The following RNFT2 variants were observed in gnomAD, a reference collection of about 807,000 sequenced individuals.
RNFT2 encodes the protein ring finger protein, transmembrane 2.
RNFT2 carries 36 observed loss-of-function variants against 53.0 expected under a neutral mutation model. That is an observed-to-expected ratio of 0.68 (90% CI 0.52 to 0.90). The LOEUF is 0.90. Among genes scored for constraint, RNFT2 ranks in the 40% least tolerant of loss-of-function variants. The probability of loss-of-function intolerance (pLI) is 0.00; values close to 1 mark genes in which losing one functional copy is unlikely to be tolerated. For missense variants in RNFT2, 514 were observed against 585.6 expected, an observed-to-expected ratio of 0.88 and a Z score of 1.26; for synonymous variants, 260 against 253.2, an observed-to-expected ratio of 1.03 and a Z score of -0.26.
chr12:116,835,616 G>A (rs1376844001), intron 8 of RNFT2, among the ~76,000 whole-genome samples: 1 of 152,194 alleles, frequency 6.6e-6, no homozygotes, highest in Non-Finnish European at 1.5e-5. Context: ...GTGGCTGACT[G>A]GAGTGCTAGA....
In RNFT2 at chr12:116,778,026, C is replaced by T. The variant is rs376030249; in HGVS notation, c.729-1169C>T. Among the ~76,000 whole-genome samples the T allele has an allele frequency of 8.5e-5, 13 of 152,164 alleles. No individual in the cohort carries two copies. In the East Asian group the frequency reaches 9.6e-4, roughly 11 times the overall value. ...AGTGAGCAAAGAGCTTAGCACAGTT[C>T]CCGGCACATCAGCTTCCCCCGCTCC... On this transcript the variant is annotated intron_variant, in intron 6 of 10. Coordinates refer to ENST00000257575, the MANE Select transcript of RNFT2 (RefSeq NM_001382266.1).
chr12:116,766,793 T>C (rs1318887850), intron 5 of RNFT2, 21 bp from the exon 6 acceptor site: 2 of 1,556,432 alleles, frequency 1.3e-6, no homozygotes, highest in Non-Finnish European at 1.7e-6. Flanking sequence ...TGATATCACA[T>C]ATCTCTTGCT....
intron 7 of RNFT2, among the ~76,000 whole-genome samples, chr12:116,806,382 ATAT>A (rs1230796248): frequency 1.6e-5 from 2 of 126,662 alleles, no homozygotes; most frequent in Admixed American, 7.8e-5. Context: ...AAAAAAAAAA[ATAT>A]ATATATATAT....
chr12:116,776,528 A>C (rs898685534), intron 6 of RNFT2, among the ~76,000 whole-genome samples: 1 of 152,186 alleles, frequency 6.6e-6, no homozygotes, highest in Non-Finnish European at 1.5e-5. Context: ...AATTCCATGG[A>C]GACAGGGCAG....
At chr12:116,787,094 G>A (rs1873967974) in intron 7 of RNFT2, among the ~76,000 whole-genome samples, 1 of 152,176 alleles carries the variant, frequency 6.6e-6, no homozygotes, top group Non-Finnish European at 1.5e-5. Flanking sequence ...CACATTCACA[G>A]CTTCCTGGTA....
At position 116,849,619 on chromosome 12, in the gene RNFT2, C is replaced by T. The variant is rs527998630; in HGVS notation, c.*171C>T. ...GTCTTGTCCTTCTGACCTTCATCTT[C>T]CTCTCTCGTTCTGTGGTATAGTGCG... On this transcript the variant is annotated 3_prime_UTR_variant, in exon 11 of 11. Transcript: ENST00000257575. 7.2e-7 allele frequency: 1 copy of T among 1,393,568 alleles called. No individual in the cohort carries two copies. The highest frequency in any genetic ancestry group is 1.4e-5 in the African/African-American group (1 of 69,314). 86.3% of individuals were successfully genotyped at this position (1,393,568 alleles called of 1,614,324 possible). A position where few individuals can be genotyped will look rare whatever the true frequency, so the allele number is the denominator to read the frequency against.
chr12:116,815,840 C>T (rs1875627093), intron 7 of RNFT2, among the ~76,000 whole-genome samples: 1 of 151,980 alleles, frequency 6.6e-6, no homozygotes, highest in African/African-American at 2.4e-5. Flanking sequence ...ATTGATATGA[C>T]TTCGGCAAAG....
intron 5 of RNFT2, among the ~76,000 whole-genome samples, chr12:116,760,636 G>C (rs549670579): frequency 6.6e-6 from 1 of 152,218 alleles, no homozygotes; most frequent in Admixed American, 6.5e-5. Flanking sequence ...GTGTTCGGGA[G>C]AGGAGGGTCT....
Position 116,749,861 on chromosome 12 carries a change from G to A in RNFT2, c.104G>A (p.Ser35Asn), listed in dbSNP as rs1872089093. The A allele has an allele frequency of 2.5e-6, 4 of 1,582,076 alleles. No homozygotes were observed. Among genetic ancestry groups the A allele is most frequent in the African/African-American group, 1.3e-5 (1 of 74,344 alleles). Residue 35 changes from serine (S) to asparagine (N), a missense_variant, in exon 4 of 11, where the codon AGC becomes AAC. Around this residue, in one of 3 missense-constraint regions of RNFT2, gnomAD observed 237 missense variants for 235.1 expected, o/e 1.01. Transcript: ENST00000257575. The stretch of plus-strand genomic sequence containing the variant: ...CCCAGAAACCGCAGCCAGGCGCTCA[G>A]CTCCGAGGCGAGTGTGGATGAAGGT... ...PPERNRSQALSSEASVDEGGV... is the reference protein window; with the variant it reads ...PPERNRSQALNSEASVDEGGV...
chr12:116,755,630 C>G, intron 5 of RNFT2: 1 of 1,137,148 alleles, frequency 8.8e-7, no homozygotes, highest in Non-Finnish European at 1.3e-6. Flanking sequence ...AAGAATCTTG[C>G]CCTTAACTTG....
At chr12:116,836,145 GC>G in intron 9 of RNFT2, 35 bp from the exon 10 acceptor site, 1 of 1,588,292 alleles carries the variant, frequency 6.3e-7, no homozygotes, top group Non-Finnish European at 8.6e-7. Flanking sequence ...TCCCAAGGGC[GC>G]CCATAGCTGT....
chr12:116,841,838 TA>T, intron 10 of RNFT2, among the ~76,000 whole-genome samples: 1 of 22,136 alleles, frequency 4.5e-5, no homozygotes, highest in Non-Finnish European at 1.0e-4. Context: ...TATATAAATA[TA>T]TATATAAATA....
rs1237664805 is a variant in RNFT2 at position 116,769,752 on chromosome 12, C to T, written c.728+2838C>T. ...AAACATTTTAAAATAAATGTAACGG[C>T]CGGGCATGGTGGCTCATGCCTGTAA... On this transcript the variant is annotated intron_variant, in intron 6 of 10. Coordinates refer to ENST00000257575, the MANE Select transcript of RNFT2 (RefSeq NM_001382266.1). Among the ~76,000 whole-genome samples the T allele has an allele frequency of 2.0e-5, 3 of 152,070 alleles. No homozygotes were observed. The East Asian group carries it at 5.8e-4, about 29-fold the overall frequency.
chr12:116,841,946 TAAATATATATATAGAGAGAG>T lies in RNFT2; in HGVS notation c.1200+5666_1200+5685del, dbSNP rs1206645545. 1.4e-4 allele frequency among the ~76,000 whole-genome samples: 5 copies of T among 34,802 alleles called. 2 individuals are homozygous for T. The East Asian group carries it at 2.7e-3, about 19-fold the overall frequency. 22.8% of individuals were successfully genotyped at this position (34,802 alleles called of 152,430 possible). A position where few individuals can be genotyped will look rare whatever the true frequency, so the allele number is the denominator to read the frequency against. ...AAATATATATATATAAATATATATA[TAAATATATATATAGAGAGAG>T]AGAGAGAGAGAGAGAGAGAGGGAGG... On this transcript the variant is annotated intron_variant, in intron 10 of 10. Transcript: ENST00000257575.
chr12:116,833,547 G>A (rs946865368), intron 7 of RNFT2, among the ~76,000 whole-genome samples: 22 of 152,158 alleles, frequency 1.4e-4, no homozygotes, highest in Non-Finnish European at 2.4e-4. Flanking sequence ...CCTGAAACTC[G>A]ATCCTCAATC....
intron 5 of RNFT2, 68 bp downstream of exon 5, chr12:116,754,128 T>C (rs1485201956): frequency 1.5e-6 from 2 of 1,309,638 alleles, no homozygotes; most frequent in East Asian, 4.6e-5. Context: ...AGGCACAGTC[T>C]TCCCGGCAAG....
At chr12:116,829,838 C>T (rs1394420920) in intron 7 of RNFT2, among the ~76,000 whole-genome samples, 1 of 152,140 alleles carries the variant, frequency 6.6e-6, no homozygotes, top group Non-Finnish European at 1.5e-5. Flanking sequence ...ACCTTGGCCT[C>T]CCAAAGTGCT....
At chr12:116,796,496 A>G (rs1242213375) in intron 7 of RNFT2, among the ~76,000 whole-genome samples, 1 of 152,146 alleles carries the variant, frequency 6.6e-6, no homozygotes, top group African/African-American at 2.4e-5. Context: ...TAGGCTCTCA[A>G]TCCTATTGGT....
At chr12:116,779,120 C>G in intron 6 of RNFT2, 75 bp from the exon 7 acceptor site, 1 of 1,500,590 alleles carries the variant, frequency 6.7e-7, no homozygotes, top group South Asian at 1.2e-5. Flanking sequence ...ACTTAGAAGG[C>G]TCCTGAGTGA....
Sources: allele counts gnomAD v4.1 joint callset (sites outside exome capture counted in the v4.1 genomes callset), GRCh38; gene constraint gnomAD v4.1.1; regional missense constraint gnomAD v4.1.1; transcripts MANE v1.5; gene names NCBI Gene and HGNC (gene_info 2026-07-23, HGNC 2026-07-21).